PCDH15: variants seen among roughly 807,000 people sequenced by gnomAD.
The protein encoded by PCDH15 is protocadherin related 15.
PCDH15 carries 129 observed loss-of-function variants against 178.5 expected under a neutral mutation model. The ratio of observed to expected loss-of-function variants is 0.72; its 90% CI spans 0.63 to 0.84. The LOEUF (loss-of-function observed/expected upper bound fraction) is 0.84, where lower values mean the gene tolerates loss of function less well. Among genes scored for constraint, PCDH15 ranks in the 40% least tolerant of loss-of-function variants. The pLI is 0.00. For synonymous variants in PCDH15, 800 were observed against 732.0 expected (o/e 1.09, Z -1.50); for missense variants, 2,230 against 2,099.9 (o/e 1.06, Z -1.21).
intron 3 of PCDH15, among the ~76,000 whole-genome samples, chr10:54,849,407 T>G (rs2131763333): frequency 6.6e-6 from 1 of 152,284 alleles, no homozygotes; most frequent in East Asian, 1.9e-4. Context: ...GCTGTTTCCC[T>G]CTGTTCCTTT....
In PCDH15 at chr10:53,995,447, T is replaced by C. The variant is rs1001472547; in HGVS notation, c.2868+202A>G. The C allele has an allele frequency of 3.5e-6, 3 of 862,504 alleles. No individual in the cohort carries two copies. The African/African-American group carries it at 5.1e-5, about 15-fold the overall frequency. 53.4% of individuals were successfully genotyped at this position (862,504 alleles called of 1,614,324 possible). On this transcript the variant is annotated intron_variant, in intron 21 of 37. Coordinates refer to ENST00000644397, the MANE Select transcript of PCDH15 (RefSeq NM_001384140.1). The stretch of plus-strand genomic sequence containing the variant: ...GTGCATTCTAGAAAAACAAAAAGCA[T>C]ATTCTTTGTCTAGGTTCAATAATAG...
chr10:54,726,432 GTGTGTGTGTGTGT>G (rs1339961110), intron 1 of PCDH15, among the ~76,000 whole-genome samples: 2 of 150,058 alleles, frequency 1.3e-5, no homozygotes, highest in African/African-American at 2.4e-5. Flanking sequence ...GTGTGTGTGT[GTGTGTGTGTGTGT>G]GTGTGTGTGT....
At chr10:54,339,161 T>G (rs1385972408) in intron 6 of PCDH15, among the ~76,000 whole-genome samples, 1 of 152,240 alleles carries the variant, frequency 6.6e-6, no homozygotes, top group Non-Finnish European at 1.5e-5. Context: ...GTAAATGTCC[T>G]TAAAACATTA....
At chr10:54,243,133 TCTTTA>T (rs963847831) in intron 8 of PCDH15, among the ~76,000 whole-genome samples, 1 of 152,238 alleles carries the variant, frequency 6.6e-6, no homozygotes, top group Non-Finnish European at 1.5e-5. Context: ...TTTTGTGTGT[TCTTTA>T]CATTTAAGTA....
At chr10:54,168,719 A>G (rs1378807410) in intron 13 of PCDH15, among the ~76,000 whole-genome samples, 2 of 152,100 alleles carry the variant, frequency 1.3e-5, no homozygotes, top group African/African-American at 4.8e-5. Flanking sequence ...TTTGGCAGCA[A>G]CCCTGAGACA....
At chr10:54,302,077 T>G (rs1295009404) in intron 8 of PCDH15, among the ~76,000 whole-genome samples, 2 of 152,160 alleles carry the variant, frequency 1.3e-5, no homozygotes, top group Non-Finnish European at 2.9e-5. Flanking sequence ...CATAACATAC[T>G]GTTTGTGTTA....
intron 18 of PCDH15, among the ~76,000 whole-genome samples, chr10:54,064,292 C>G (rs2094093331): frequency 6.6e-6 from 1 of 152,150 alleles, no homozygotes; most frequent in South Asian, 2.1e-4. Flanking sequence ...CTGTGTGAGG[C>G]TGGCTGGCTC....
chr10:55,623,565 G>C (rs887519622), intron 2 of PCDH15, among the ~76,000 whole-genome samples: 1 of 151,828 alleles, frequency 6.6e-6, no homozygotes, highest in East Asian at 1.9e-4. Flanking sequence ...ACAGGGATGA[G>C]AATATATATA....
intron 2 of PCDH15, among the ~76,000 whole-genome samples, chr10:55,040,085 A>G (rs1840828235): frequency 6.6e-6 from 1 of 152,010 alleles, no homozygotes; most frequent in Admixed American, 6.6e-5. Context: ...TATATTAAAT[A>G]CTCCTAATAA....
intron 3 of PCDH15, among the ~76,000 whole-genome samples, chr10:54,866,042 T>C (rs755986047): frequency 6.6e-6 from 1 of 152,174 alleles, no homozygotes; most frequent in Admixed American, 6.6e-5. Context: ...CTTTGATAGA[T>C]GAGAAACTTT....
In PCDH15 at chr10:54,848,414, T is replaced by C. The variant is rs187994488; in HGVS notation, c.-29+49036A>G. On this transcript the variant is annotated intron_variant, in intron 3 of 5. Transcript: ENST00000458638. ...AAAAAAAAAAAAAAAGCTAATTAAT[T>C]AATCAGTTATTACGGGCATAGAACT... is the stretch of plus-strand genomic sequence containing the variant. Among the ~76,000 whole-genome samples the C allele has an allele frequency of 7.1e-3, 1,058 of 148,892 alleles. 15 individuals carry two copies. Among genetic ancestry groups the C allele is most frequent in the Non-Finnish European group, 8.0e-3 (537 of 67,394 alleles).
At chr10:54,927,186 T>A (rs1837652841) in intron 2 of PCDH15, among the ~76,000 whole-genome samples, 1 of 152,082 alleles carries the variant, frequency 6.6e-6, no homozygotes, top group East Asian at 1.9e-4. Context: ...CTGACTTTAT[T>A]ATTTACCCAG....
intron 2 of PCDH15, among the ~76,000 whole-genome samples, chr10:54,617,487 A>G (rs1313202671): frequency 6.6e-6 from 1 of 152,058 alleles, no homozygotes; most frequent in Admixed American, 6.6e-5. Flanking sequence ...TTACTATATC[A>G]TAAGGTCTTC....
intron 2 of PCDH15, among the ~76,000 whole-genome samples, chr10:55,041,028 C>G (rs1172527740): frequency 6.6e-6 from 1 of 151,992 alleles, no homozygotes; most frequent in Admixed American, 6.6e-5. Flanking sequence ...AATATTTTCT[C>G]ATACTATTAA....
intron 2 of PCDH15, among the ~76,000 whole-genome samples, chr10:55,082,582 GAA>G (rs35092419): frequency 0.049 from 6,609 of 133,828 alleles, 308 homozygotes; most frequent in East Asian, 0.16. Flanking sequence ...AAATTGAAAT[GAA>G]AAAAAAAAAA....
chr10:54,308,599 C>T (rs2060697646), intron 8 of PCDH15, among the ~76,000 whole-genome samples: 1 of 151,976 alleles, frequency 6.6e-6, no homozygotes, highest in African/African-American at 2.4e-5. Flanking sequence ...ATAAGGAGAA[C>T]CAAGGATTCC....
intron 1 of PCDH15, among the ~76,000 whole-genome samples, chr10:55,189,013 T>C (rs1446944992): frequency 6.6e-6 from 1 of 151,944 alleles, no homozygotes; most frequent in Non-Finnish European, 1.5e-5. Flanking sequence ...TTTCATATTA[T>C]TGCTGAGTGT....
At chr10:54,042,064 T>G (rs1437952380) in intron 18 of PCDH15, among the ~76,000 whole-genome samples, 1 of 152,088 alleles carries the variant, frequency 6.6e-6, no homozygotes, top group Non-Finnish European at 1.5e-5. Flanking sequence ...CAGGGATGAC[T>G]GAAGAATCAT....
intron 26 of PCDH15, among the ~76,000 whole-genome samples, chr10:53,869,867 A>G (rs1408793397): frequency 2.0e-5 from 3 of 152,212 alleles, no homozygotes; most frequent in Non-Finnish European, 4.4e-5. Flanking sequence ...CACTTTCCTA[A>G]TCTAACATTG....
Sources: allele counts gnomAD v4.1 joint callset (sites outside exome capture counted in the v4.1 genomes callset), GRCh38; gene constraint gnomAD v4.1.1; transcripts MANE v1.5; gene names NCBI Gene and HGNC (gene_info 2026-07-23, HGNC 2026-07-21).